Variants in GLRA2 observed in about 807,000 individuals in gnomAD.
GLRA2 encodes the protein glycine receptor subunit alpha-2.
A neutral mutation model predicts 31.6 loss-of-function variants in GLRA2; 11 were observed. The observed-to-expected ratio is 0.35, with a 90% confidence interval of 0.22 to 0.58. GLRA2 has a LOEUF of 0.58. Ranked by LOEUF, GLRA2 falls within the 20% of genes least tolerant of loss-of-function variation. The probability of loss-of-function intolerance (pLI) is 0.84; values close to 1 mark genes in which losing one functional copy is unlikely to be tolerated. For synonymous variants in GLRA2, 132 were observed against 134.0 expected (o/e 0.99, Z 0.10); for missense variants, 212 against 351.8 (o/e 0.60, Z 3.18).
chrX:14,461,771 G>C, the GLRA2 span, among the ~76,000 whole-genome samples: 1 of 111,851 alleles, frequency 8.9e-6, no homozygotes, highest in Non-Finnish European at 1.9e-5. Context: ...CTCCTGAATA[G>C]AGCACACTGA....
intron 7 of GLRA2, among the ~76,000 whole-genome samples, chrX:14,671,316 T>C (rs1391391322): frequency 8.9e-6 from 1 of 112,025 alleles, no homozygotes; most frequent in Non-Finnish European, 1.9e-5. Flanking sequence ...GGGGTTTGAG[T>C]CATTTGTTTC....
chrX:14,686,242 G>A (rs1196671483), intron 7 of GLRA2, among the ~76,000 whole-genome samples: 1 of 111,524 alleles, frequency 9.0e-6, no homozygotes, highest in Non-Finnish European at 1.9e-5. Context: ...CTATGTGGAA[G>A]TAATTTTGGA....
chrX:14,730,509 C>T lies in GLRA2; in HGVS notation c.*24C>T, dbSNP rs777634221. The T allele has an allele frequency of 1.9e-6, 2 of 1,076,490 alleles. No individual in the cohort carries two copies. The highest frequency in any genetic ancestry group is 2.0e-5 in the African/African-American group (1 of 50,809). The allele number at this position is 1,076,490 out of a possible 1,213,427, so 88.7% of individuals were successfully genotyped here. ...AGATGTGCCCTACAGACCCTGGGAC[C>T]TTCTTGCCTCAGTGTTGTGCTTGTA... On this transcript the variant is annotated 3_prime_UTR_variant, in exon 9 of 9. Coordinates refer to ENST00000218075, the MANE Select transcript of GLRA2 (RefSeq NM_002063.4).
At chrX:14,473,054 A>C in the GLRA2 span, among the ~76,000 whole-genome samples, 8 of 111,444 alleles carry the variant, frequency 7.2e-5, no homozygotes, top group Admixed American at 7.7e-4. Flanking sequence ...AAATGTTCTA[A>C]GACATGAAAG....
intron 2 of GLRA2, among the ~76,000 whole-genome samples, chrX:14,571,475 G>A (rs770777070): frequency 8.9e-6 from 1 of 112,010 alleles, no homozygotes; most frequent in East Asian, 2.8e-4. Context: ...TAGGATAATT[G>A]TATTGGCCTC....
At chrX:14,574,541 A>T in intron 3 of GLRA2, 141 bp downstream of exon 3, 1 of 1,197,540 alleles carries the variant, frequency 8.4e-7, no homozygotes, top group Non-Finnish European at 1.1e-6. Flanking sequence ...GCTTTGGGTC[A>T]ATAGCAGAAA....
the GLRA2 span, among the ~76,000 whole-genome samples, chrX:14,506,888 C>T: frequency 9.0e-6 from 1 of 111,700 alleles, no homozygotes; most frequent in African/African-American, 3.3e-5. Context: ...CAGAGAGGTA[C>T]AGCAAGCCCC....
the GLRA2 span, among the ~76,000 whole-genome samples, chrX:14,456,263 G>A: frequency 9.1e-6 from 1 of 110,321 alleles, no homozygotes; most frequent in East Asian, 2.8e-4. Flanking sequence ...ATATTCATGG[G>A]GTACATAGTG....
chrX:14,593,112 C>G (rs1181242445), intron 4 of GLRA2, among the ~76,000 whole-genome samples: 1 of 111,939 alleles, frequency 8.9e-6, no homozygotes, highest in African/African-American at 3.2e-5. Flanking sequence ...AATAAACATG[C>G]ATAATGTCAC....
At chrX:14,459,898 C>T in the GLRA2 span, among the ~76,000 whole-genome samples, 1 of 112,090 alleles carries the variant, frequency 8.9e-6, no homozygotes, top group Non-Finnish European at 1.9e-5. Flanking sequence ...GCAAGAACGT[C>T]CAATACTGTG....
At chrX:14,480,053 A>G in the GLRA2 span, among the ~76,000 whole-genome samples, 12 of 111,524 alleles carry the variant, frequency 1.1e-4, no homozygotes, top group Admixed American at 9.5e-5. Context: ...TTTTTTAATA[A>G]TAGCCACTCT....
intron 2 of GLRA2, among the ~76,000 whole-genome samples, chrX:14,554,730 AAAAC>A (rs1348658990): frequency 9.9e-4 from 111 of 112,105 alleles, no homozygotes; most frequent in African/African-American, 3.3e-3. Flanking sequence ...CAGTTCAAAA[AAAAC>A]CTCAAAGAAC....
At chrX:14,520,097 T>A in the GLRA2 span, among the ~76,000 whole-genome samples, 1 of 112,368 alleles carries the variant, frequency 8.9e-6, no homozygotes, top group Non-Finnish European at 1.9e-5. Context: ...CTTTTCAGCA[T>A]TCTCGGAATC....
intron 7 of GLRA2, among the ~76,000 whole-genome samples, chrX:14,639,244 A>T (rs1353913687): frequency 9.0e-6 from 1 of 111,031 alleles, no homozygotes; most frequent in East Asian, 2.8e-4. Flanking sequence ...TTCCCAGGAG[A>T]CTCAATGGGA....
chrX:14,661,716 A>G (rs377154296), intron 7 of GLRA2, among the ~76,000 whole-genome samples: 54 of 108,897 alleles, frequency 5.0e-4, no homozygotes, highest in African/African-American at 1.6e-3. Context: ...TACTAAAAAT[A>G]TGAACAATTA....
chrX:14,633,675 C>T (rs1477105085), intron 7 of GLRA2, among the ~76,000 whole-genome samples: 1 of 111,407 alleles, frequency 9.0e-6, no homozygotes, highest in Non-Finnish European at 1.9e-5. Context: ...TTAATTGACT[C>T]ATAGTTCTGC....
At chrX:14,523,503 G>A in the GLRA2 span, among the ~76,000 whole-genome samples, 53 of 112,177 alleles carry the variant, frequency 4.7e-4, no homozygotes, top group East Asian at 0.014. Context: ...GTCTGTGCAA[G>A]AGGCCTAACT....
chrX:14,685,697 T>A (rs992927038), intron 7 of GLRA2, among the ~76,000 whole-genome samples: 1 of 111,884 alleles, frequency 8.9e-6, no homozygotes, highest in Non-Finnish European at 1.9e-5. Context: ...TCTATTTGAT[T>A]CTTCTCTCTT....
intron 4 of GLRA2, among the ~76,000 whole-genome samples, chrX:14,596,501 TAGC>T (rs2090205986): frequency 9.1e-6 from 1 of 110,297 alleles, no homozygotes; most frequent in Non-Finnish European, 1.9e-5. Flanking sequence ...TCCAATCACT[TAGC>T]AGCCTACTTG....
Sources: gnomAD v4.1 joint callset for allele counts (sites outside exome capture counted in the v4.1 genomes callset) on GRCh38, gnomAD v4.1.1 for gene constraint, MANE v1.5 for transcripts, NCBI Gene and HGNC (gene_info 2026-07-23, HGNC 2026-07-21) for gene names.